Variants in RPE observed in about 807,000 individuals in gnomAD.
RPE encodes ribulose-5-phosphate-3-epimerase.
A neutral mutation model predicts 24.6 loss-of-function variants in RPE; 16 were observed. The observed-to-expected ratio is 0.65, with a 90% confidence interval of 0.44 to 0.99. The LOEUF is 0.99. Ranked by LOEUF, RPE falls within the 50% of genes least tolerant of loss-of-function variation. The probability of loss-of-function intolerance (pLI) is 0.00; values close to 1 mark genes in which losing one functional copy is unlikely to be tolerated. For missense variants in RPE, 240 were observed against 294.5 expected (o/e 0.81, Z 1.35); for synonymous variants, 93 against 98.4 (o/e 0.94, Z 0.33).
chr2:210,010,078 C>T (rs938784832), intron 2 of RPE, among the ~76,000 whole-genome samples: 4 of 152,232 alleles, frequency 2.6e-5, no homozygotes, highest in Middle Eastern at 3.4e-3. Flanking sequence ...CTTTGATCTG[C>T]GATTACTTTT....
chr2:210,005,954 G>C (rs896651302), intron 1 of RPE, among the ~76,000 whole-genome samples: 22 of 152,168 alleles, frequency 1.4e-4, no homozygotes, highest in Admixed American at 2.0e-4. Context: ...GATTGTGTTA[G>C]AATTACGTAA....
intron 5 of RPE, chr2:210,018,626 G>A (rs1490906713): frequency 4.1e-6 from 4 of 985,232 alleles, no homozygotes; most frequent in African/African-American, 1.7e-5. Context: ...CAGATGATGA[G>A]TGAGCTCATA....
chr2:210,007,786 C>T (rs1334120733), intron 1 of RPE, among the ~76,000 whole-genome samples: 1 of 152,086 alleles, frequency 6.6e-6, no homozygotes, highest in East Asian at 1.9e-4. Context: ...TCTTGTAATC[C>T]TCATATAGGA....
chr2:210,018,618 G>A (rs1575326040), intron 5 of RPE: 1 of 985,286 alleles, frequency 1.0e-6, no homozygotes. Context: ...GGGCTGGCCA[G>A]ATGATGAGTG....
intron 5 of RPE, chr2:210,018,707 G>A: frequency 1.0e-6 from 1 of 985,202 alleles, no homozygotes. Context: ...CTGCTTTTAT[G>A]CCAGAGGTAG....
At chr2:210,009,820 A>G (rs566696255) in intron 2 of RPE, 84 bp downstream of exon 2, 32 of 1,573,924 alleles carry the variant, frequency 2.0e-5, no homozygotes, top group African/African-American at 2.7e-5. Context: ...TTCCAAGTTC[A>G]TCTGGCACCC....
At chr2:210,017,047 G>A (rs997311599) in intron 4 of RPE, among the ~76,000 whole-genome samples, 4 of 152,040 alleles carry the variant, frequency 2.6e-5, no homozygotes, top group African/African-American at 4.8e-5. Context: ...GTCTCACTAC[G>A]TACCCAGGCT....
intron 2 of RPE, among the ~76,000 whole-genome samples, chr2:210,013,139 T>C (rs553600623): frequency 6.6e-6 from 1 of 152,296 alleles, no homozygotes; most frequent in African/African-American, 2.4e-5. Context: ...TCAATTTAGA[T>C]TGAGTTAATT....
chr2:210,009,696 A>G lies in RPE; in HGVS notation c.162A>G (p.Val54=). 1.9e-6 allele frequency: 3 copies of G among 1,614,180 alleles called. No homozygotes were observed. The highest frequency in any genetic ancestry group is 2.5e-6 in the Non-Finnish European group (3 of 1,180,018). The part of the protein sequence containing the change: ...VPNITFGHPV[V]ESLRKQLGQD... ...ACATCACCTTTGGTCACCCTGTGGT[A>G]GAAAGCCTTCGAAAGCAGCTAGGCC... The change falls in exon 2 of 6, where the codon GTA becomes GTG. Residue 54 remains valine (V), a synonymous_variant. Coordinates refer to ENST00000359429, the MANE Select transcript of RPE (RefSeq NM_199229.3).
chr2:210,008,497 T>C (rs1160831843), intron 1 of RPE, among the ~76,000 whole-genome samples: 1 of 151,896 alleles, frequency 6.6e-6, no homozygotes, highest in Non-Finnish European at 1.5e-5. Context: ...AGTTTCACCA[T>C]GTTGGCCAGG....
chr2:210,003,454 G>A (rs1418108269), intron 1 of RPE: 1 of 1,288,008 alleles, frequency 7.8e-7, no homozygotes, highest in Admixed American at 2.3e-5. Flanking sequence ...TGCTCTTCAG[G>A]GAGGTCAGTT....
chr2:210,021,075 A>T lies in RPE; in HGVS notation c.*1284A>T, dbSNP rs1244508804. On this transcript the variant is annotated 3_prime_UTR_variant, in exon 6 of 6. Coordinates refer to ENST00000359429, the MANE Select transcript of RPE (RefSeq NM_199229.3). ...TCCAAGAAAGATCAGGTAGGCGAAA[A>T]GATGACAGGATACAGAGTCAATCCA... 1 of 152,146 alleles carries T rather than the reference A, an allele frequency of 6.6e-6. No homozygotes were observed. The highest frequency in any genetic ancestry group is 1.5e-5 in the Non-Finnish European group (1 of 67,972). 9.4% of individuals were successfully genotyped at this position (152,146 alleles called of 1,614,324 possible).
At chr2:210,014,514 C>T (rs1476306531) in intron 2 of RPE, among the ~76,000 whole-genome samples, 3 of 151,830 alleles carry the variant, frequency 2.0e-5, no homozygotes, top group Non-Finnish European at 4.4e-5. Context: ...TAATTTAGGC[C>T]GGGTGTGGTG....
At chr2:210,019,213 T>G (rs1200608105) in intron 5 of RPE, among the ~76,000 whole-genome samples, 1 of 152,218 alleles carries the variant, frequency 6.6e-6, no homozygotes, top group Non-Finnish European at 1.5e-5. Flanking sequence ...CTCACTTAAT[T>G]TTGCCGTAGT....
At chr2:210,016,472 G>A (rs1000501509) in intron 3 of RPE, 35 bp from the exon 4 acceptor site, 28 of 1,613,748 alleles carry the variant, frequency 1.7e-5, no homozygotes, top group Non-Finnish European at 2.3e-5. Flanking sequence ...AGAAGTAATT[G>A]TAAATGTGAT....
intron 1 of RPE, among the ~76,000 whole-genome samples, chr2:210,008,292 GTTT>G (rs35113335): frequency 7.8e-6 from 1 of 128,884 alleles, no homozygotes; most frequent in Admixed American, 7.6e-5. Context: ...GTTTGTTTTT[GTTT>G]TTTTTTTTTT....
chr2:210,003,489 G>C, intron 1 of RPE: 1 of 1,276,504 alleles, frequency 7.8e-7, no homozygotes, highest in Non-Finnish European at 1.0e-6. Flanking sequence ...TTTAAGCACC[G>C]TAGTTACAGC....
chr2:210,017,018 A>G (rs549163247), intron 4 of RPE, among the ~76,000 whole-genome samples: 1 of 152,202 alleles, frequency 6.6e-6, no homozygotes, highest in South Asian at 2.1e-4. Context: ...TAATTCTTAC[A>G]CATTTTAGTA....
At chr2:210,019,634 C>T (rs779159061) in intron 5 of RPE, 35 bp from the exon 6 acceptor site, 5 of 1,599,644 alleles carry the variant, frequency 3.1e-6, no homozygotes, top group Admixed American at 1.7e-5. Context: ...CTACATTTTC[C>T]TTTGAGGCAT....
Sources: gnomAD v4.1 joint callset for allele counts (sites outside exome capture counted in the v4.1 genomes callset) on GRCh38, gnomAD v4.1.1 for gene constraint, MANE v1.5 for transcripts, NCBI Gene and HGNC (gene_info 2026-07-23, HGNC 2026-07-21) for gene names.